DTWD2: variants seen among roughly 807,000 people sequenced by gnomAD.
DTWD2 encodes tRNA-uridine aminocarboxypropyltransferase 2.
Under a neutral mutation model 31.8 loss-of-function variants are expected in DTWD2, and 39 were observed. That is an observed-to-expected ratio of 1.22 (90% CI 0.95 to 1.60). The LOEUF is 1.60. DTWD2 is among the 40% of genes most tolerant of loss of function. The pLI, the probability that DTWD2 is intolerant of heterozygous loss-of-function variation, is 0.00. For missense variants in DTWD2, 515 were observed against 381.5 expected (o/e 1.35, Z -2.92); for synonymous variants, 180 against 142.8 (o/e 1.26, Z -1.86).
intron 4 of DTWD2, among the ~76,000 whole-genome samples, chr5:118,871,645 C>G (rs1480940598): frequency 1.3e-5 from 2 of 152,126 alleles, no homozygotes; most frequent in Non-Finnish European, 2.9e-5. Context: ...CAAAAAGGAG[C>G]TAAAAATATT....
At chr5:118,923,003 G>C (rs1320311986) in intron 4 of DTWD2, among the ~76,000 whole-genome samples, 1 of 151,578 alleles carries the variant, frequency 6.6e-6, no homozygotes, top group Admixed American at 6.6e-5. Flanking sequence ...CACATTGCCT[G>C]GTATATACTG....
intron 4 of DTWD2, among the ~76,000 whole-genome samples, chr5:118,873,972 T>G (rs1752566129): frequency 6.6e-6 from 1 of 152,190 alleles, no homozygotes; most frequent in Admixed American, 6.5e-5. Flanking sequence ...TTGCAACTGC[T>G]GCAGCTTGGA....
At chr5:118,860,949 C>T (rs1292194420) in intron 4 of DTWD2, among the ~76,000 whole-genome samples, 1 of 152,060 alleles carries the variant, frequency 6.6e-6, no homozygotes, top group African/African-American at 2.4e-5. Context: ...AATCCACATC[C>T]ATTTTGGGGT....
At chr5:118,924,989 G>T (rs1186173575) in intron 4 of DTWD2, among the ~76,000 whole-genome samples, 1 of 152,112 alleles carries the variant, frequency 6.6e-6, no homozygotes, top group Non-Finnish European at 1.5e-5. Context: ...AGCACTCAAT[G>T]CATTAGCTAT....
At chr5:118,963,883 T>C (rs1754764121) in intron 1 of DTWD2, among the ~76,000 whole-genome samples, 2 of 152,290 alleles carry the variant, frequency 1.3e-5, no homozygotes, top group African/African-American at 4.8e-5. Context: ...TTCATTTTAA[T>C]ACCCCCAGTA....
chr5:118,906,482 T>A (rs1753335175), intron 4 of DTWD2, among the ~76,000 whole-genome samples: 1 of 152,162 alleles, frequency 6.6e-6, no homozygotes, highest in Admixed American at 6.5e-5. Context: ...AAACAAATTG[T>A]AGAATATGCA....
In DTWD2 at chr5:118,944,554, C is replaced by G. The variant is rs553366891; in HGVS notation, c.309+5G>C. 6.2e-6 allele frequency: 10 copies of G among 1,612,216 alleles called. No individual in the cohort carries two copies. In the South Asian group the frequency reaches 9.9e-5, roughly 16 times the overall value. ...TTTGAAATCCTGTATTTTACAAAAT[C>G]TTACCTCTGCTGGATGCTGAATTAT... On this transcript the variant is annotated splice_donor_5th_base_variant and intron_variant, in intron 2 of 5. Transcript: ENST00000510708.
chr5:118,900,782 A>G (rs1267616615), intron 4 of DTWD2, among the ~76,000 whole-genome samples: 2 of 152,062 alleles, frequency 1.3e-5, no homozygotes, highest in East Asian at 3.9e-4. Flanking sequence ...AAAATTAGCC[A>G]GGCGTGGTGG....
At chr5:118,972,451 A>C (rs1459619757) in intron 1 of DTWD2, among the ~76,000 whole-genome samples, 1 of 152,182 alleles carries the variant, frequency 6.6e-6, no homozygotes, top group Non-Finnish European at 1.5e-5. Context: ...TAGACCAACA[A>C]TGAGTTCTGA....
chr5:118,986,818 T>G (rs879883015), intron 1 of DTWD2, among the ~76,000 whole-genome samples: 25 of 152,142 alleles, frequency 1.6e-4, no homozygotes, highest in Non-Finnish European at 3.7e-4. Context: ...TGTAGAATTA[T>G]AGTCTACCTA....
intron 4 of DTWD2, among the ~76,000 whole-genome samples, chr5:118,876,692 C>T (rs989308829): frequency 4.0e-5 from 6 of 151,340 alleles, no homozygotes; most frequent in Non-Finnish European, 5.9e-5. Context: ...GGAAGAAGTC[C>T]TTAAACAGAC....
intron 4 of DTWD2, among the ~76,000 whole-genome samples, chr5:118,877,444 C>A (rs376544099): frequency 9.8e-4 from 149 of 151,870 alleles, no homozygotes; most frequent in African/African-American, 3.6e-3. Flanking sequence ...TGCACTCCAG[C>A]CCGGGTGACA....
chr5:118,902,585 T>G (rs773071434), intron 4 of DTWD2, among the ~76,000 whole-genome samples: 1 of 152,120 alleles, frequency 6.6e-6, no homozygotes, highest in Non-Finnish European at 1.5e-5. Flanking sequence ...AAAATATATA[T>G]GTTTTTAAAG....
chr5:118,902,917 T>C (rs935650567), intron 4 of DTWD2, among the ~76,000 whole-genome samples: 2 of 152,086 alleles, frequency 1.3e-5, no homozygotes, highest in Non-Finnish European at 2.9e-5. Context: ...TTATACCACA[T>C]AAATAAATAG....
chr5:118,937,090 A>C (rs1754060616), intron 3 of DTWD2, among the ~76,000 whole-genome samples: 1 of 152,136 alleles, frequency 6.6e-6, no homozygotes, highest in African/African-American at 2.4e-5. Context: ...ATTTGTAAGA[A>C]AAAAACCTTC....
At chr5:118,958,893 C>T (rs901768090) in intron 1 of DTWD2, among the ~76,000 whole-genome samples, 2 of 152,110 alleles carry the variant, frequency 1.3e-5, no homozygotes, top group African/African-American at 4.8e-5. Flanking sequence ...CAATAAAATC[C>T]AGCATCCCTT....
intron 4 of DTWD2, among the ~76,000 whole-genome samples, chr5:118,868,838 TAAAAAAAAAA>T (rs758949446): frequency 2.8e-5 from 3 of 107,864 alleles, no homozygotes; most frequent in Non-Finnish European, 3.8e-5. Flanking sequence ...CCCTGTCTCT[TAAAAAAAAAA>T]AAAAAAAAAA....
intron 4 of DTWD2, among the ~76,000 whole-genome samples, chr5:118,875,571 A>G (rs1052986235): frequency 0.02 from 3,078 of 150,552 alleles, 48 homozygotes; most frequent in Non-Finnish European, 0.025. Flanking sequence ...CTGAAAAAAA[A>G]AAAAAAAAAA....
At chr5:118,960,775 G>C (rs1051037361) in intron 1 of DTWD2, among the ~76,000 whole-genome samples, 1 of 151,938 alleles carries the variant, frequency 6.6e-6, no homozygotes, top group Non-Finnish European at 1.5e-5. Context: ...ATGTCCTTTA[G>C]AGCAACATGG....
Sources: gnomAD v4.1 joint callset for allele counts (sites outside exome capture counted in the v4.1 genomes callset) on GRCh38, gnomAD v4.1.1 for gene constraint, MANE v1.5 for transcripts, NCBI Gene and HGNC (gene_info 2026-07-23, HGNC 2026-07-21) for gene names.